LRRFIP1: variants seen among roughly 807,000 people sequenced by gnomAD.
The protein encoded by LRRFIP1 is leucine-rich repeat flightless-interacting protein 1.
A neutral mutation model predicts 104.4 loss-of-function variants in LRRFIP1; 62 were observed. That is an observed-to-expected ratio of 0.59 (90% CI 0.48 to 0.73). The LOEUF is 0.73. Ranked by LOEUF, LRRFIP1 falls within the 30% of genes least tolerant of loss-of-function variation. The probability of loss-of-function intolerance (pLI) is 0.00; values close to 1 mark genes in which losing one functional copy is unlikely to be tolerated. For synonymous variants in LRRFIP1, 300 were observed against 299.0 expected (o/e 1.00, Z -0.03); for missense variants, 796 against 824.5 (o/e 0.97, Z 0.42).
At position 237,748,545 on chromosome 2, in the gene LRRFIP1, T is replaced by C. The variant is rs79567117; in HGVS notation, c.669+146T>C. On this transcript the variant is annotated intron_variant, in intron 12 of 23. Transcript: ENST00000308482. ...CGGCCCACCTAACCTGGTATCACCT[T>C]CCCGGAGGTAGGCCACCGGGAGTCC... is the stretch of plus-strand genomic sequence containing the variant. The C allele has an allele frequency of 9.9e-3, 7,023 of 710,628 alleles. 323 individuals are homozygous for C. In the African/African-American group the frequency reaches 0.11, roughly 11 times the overall value. The allele number at this position is 710,628 out of a possible 1,614,324, so 44.0% of individuals were successfully genotyped here.
intron 22 of LRRFIP1, 67 bp from the exon 23 acceptor site, chr2:237,774,291 G>A (rs888502866): frequency 3.3e-6 from 3 of 910,228 alleles, no homozygotes; most frequent in Non-Finnish European, 5.2e-6. Flanking sequence ...TGATCTCAAA[G>A]TAAAGAAACT....
chr2:237,650,355 G>A (rs112028104), intron 1 of LRRFIP1, among the ~76,000 whole-genome samples: 11 of 152,026 alleles, frequency 7.2e-5, no homozygotes, highest in African/African-American at 2.6e-4. Flanking sequence ...AGCTGGGGGC[G>A]AGACTCCCTG....
At position 237,740,880 on chromosome 2, in the gene LRRFIP1, T is replaced by C. The variant is rs540507882; in HGVS notation, c.633+1571T>C. Among the ~76,000 whole-genome samples, 22 of 152,332 alleles carry C rather than the reference T, an allele frequency of 1.4e-4. No homozygotes were observed. In the South Asian group the frequency reaches 1.7e-3, roughly 11 times the overall value. ...ACTGTGCAGCATGGCTTTCCTGTGC[T>C]AGAGGAATGTTTATCTCCTCCATCC... is the stretch of plus-strand genomic sequence containing the variant. On this transcript the variant is annotated intron_variant, in intron 11 of 23. Coordinates refer to ENST00000308482, the MANE Select transcript of LRRFIP1 (RefSeq NM_001137550.2).
intron 1 of LRRFIP1, among the ~76,000 whole-genome samples, chr2:237,663,821 G>C (rs1188393318): frequency 6.6e-6 from 1 of 152,168 alleles, no homozygotes; most frequent in Non-Finnish European, 1.5e-5. Context: ...ACTACCCACA[G>C]GGAAAGGTCT....
intron 6 of LRRFIP1, chr2:237,721,306 C>T (rs11897862): frequency 0.037 from 5,862 of 157,630 alleles, 339 homozygotes; most frequent in African/African-American, 0.13. Flanking sequence ...GGACTGGATC[C>T]GTAAGGTCTG....
chr2:237,735,267 G>T lies in LRRFIP1; in HGVS notation c.490-1G>T. Reference sequence around the variant, plus strand: ...ATCCTGACAGTCTCTTTTGGTCGCAGGCGTCTGTGTTGGATGAAGGCAGCT... The same window carrying T: ...ATCCTGACAGTCTCTTTTGGTCGCATGCGTCTGTGTTGGATGAAGGCAGCT... On this transcript the variant is annotated splice_acceptor_variant, in intron 9 of 23. Coordinates refer to ENST00000308482, the MANE Select transcript of LRRFIP1 (RefSeq NM_001137550.2). LOFTEE classifies it high-confidence loss of function. The surrounding 1 kb of genome is among the most constrained non-coding windows in gnomAD (Gnocchi z 4.6). 3 of 1,613,320 alleles carry T rather than the reference G, an allele frequency of 1.9e-6. No homozygotes were observed. Among genetic ancestry groups the T allele is most frequent in the Non-Finnish European group, 1.7e-6 (2 of 1,179,746 alleles).
At chr2:237,677,856 C>A (rs1327197026) in intron 1 of LRRFIP1, among the ~76,000 whole-genome samples, 1 of 152,136 alleles carries the variant, frequency 6.6e-6, no homozygotes, top group African/African-American at 2.4e-5. Flanking sequence ...GACGAAGATG[C>A]TGCAAGTTAG....
At chr2:237,741,994 T>C (rs993652415) in intron 11 of LRRFIP1, among the ~76,000 whole-genome samples, 1 of 152,166 alleles carries the variant, frequency 6.6e-6, no homozygotes, top group African/African-American at 2.4e-5. Flanking sequence ...TGTTAAGCAT[T>C]GTCTTTATTC....
At chr2:237,675,067 A>G (rs1352846017) in intron 1 of LRRFIP1, among the ~76,000 whole-genome samples, 1 of 152,170 alleles carries the variant, frequency 6.6e-6, no homozygotes, top group Non-Finnish European at 1.5e-5. Flanking sequence ...CCCTGGCTGC[A>G]GTTGTTGGTT....
chr2:237,714,378 A>G, intron 3 of LRRFIP1, 102 bp downstream of exon 3: 1 of 906,010 alleles, frequency 1.1e-6, no homozygotes, highest in Non-Finnish European at 1.7e-6. Flanking sequence ...GAAGATACAT[A>G]GAAGTTCTTA....
chr2:237,736,482 A>G (rs2095251166), intron 10 of LRRFIP1, among the ~76,000 whole-genome samples: 1 of 152,224 alleles, frequency 6.6e-6, no homozygotes, highest in African/African-American at 2.4e-5. Context: ...ATACTAATTC[A>G]AGAGAAATTT....
intron 20 of LRRFIP1, chr2:237,771,799 T>C (rs2289094): frequency 0.27 from 80,029 of 291,338 alleles, 12,223 homozygotes; most frequent in East Asian, 0.54. Flanking sequence ...GTGAATAGCA[T>C]GGTGACTTAC....
intron 1 of LRRFIP1, among the ~76,000 whole-genome samples, chr2:237,668,015 T>G (rs2089735122): frequency 6.6e-6 from 1 of 152,220 alleles, no homozygotes; most frequent in East Asian, 1.9e-4. Flanking sequence ...AGACCCTTCT[T>G]TTGAACTCCA....
At chr2:237,696,567 C>A (rs972993487) in intron 1 of LRRFIP1, among the ~76,000 whole-genome samples, 1 of 152,228 alleles carries the variant, frequency 6.6e-6, no homozygotes, top group Admixed American at 6.5e-5. Context: ...CTAACCCTTG[C>A]TGTAACCTCA....
intron 1 of LRRFIP1, among the ~76,000 whole-genome samples, chr2:237,630,140 A>G (rs1416925769): frequency 6.6e-6 from 1 of 152,264 alleles, no homozygotes; most frequent in Non-Finnish European, 1.5e-5. Flanking sequence ...TGCAGCTGTT[A>G]CTAGTGCTGA....
intron 2 of LRRFIP1, among the ~76,000 whole-genome samples, chr2:237,713,314 G>A (rs569053874): frequency 2.3e-4 from 35 of 152,150 alleles, no homozygotes; most frequent in Non-Finnish European, 4.6e-4. Flanking sequence ...GCTGCGTTCC[G>A]GGGTCTGTTT....
chr2:237,712,800 C>T (rs1000576770), intron 2 of LRRFIP1, among the ~76,000 whole-genome samples: 27 of 152,150 alleles, frequency 1.8e-4, no homozygotes, highest in South Asian at 2.1e-4. Flanking sequence ...ACCTCCCTCA[C>T]GCTCTTCTTT....
chr2:237,698,278 T>G (rs2093319971), intron 1 of LRRFIP1, among the ~76,000 whole-genome samples: 1 of 152,208 alleles, frequency 6.6e-6, no homozygotes, highest in Admixed American at 6.5e-5. Flanking sequence ...CTCTTAAAGA[T>G]TACGTCCCCT....
At chr2:237,772,349 A>G (rs2060715069) in intron 21 of LRRFIP1, 151 bp downstream of exon 21, 1 of 616,436 alleles carries the variant, frequency 1.6e-6, no homozygotes, top group African/African-American at 1.8e-5. Flanking sequence ...AAGGAGGGGT[A>G]GGTAGACAGA....
Sources: gnomAD v4.1 joint callset for allele counts (sites outside exome capture counted in the v4.1 genomes callset) on GRCh38, gnomAD v4.1.1 for gene constraint, Gnocchi (gnomAD v3.1) non-coding constraint, MANE v1.5 for transcripts, NCBI Gene and HGNC (gene_info 2026-07-23, HGNC 2026-07-21) for gene names.